ARSL: variants seen among roughly 807,000 people sequenced by gnomAD.
ARSL encodes arylsulfatase E (chondrodysplasia punctata 1).
Under a neutral mutation model 31.1 loss-of-function variants are expected in ARSL, and 4 were observed. The ratio of observed to expected loss-of-function variants is 0.13; its 90% CI spans 0.06 to 0.29. The LOEUF (loss-of-function observed/expected upper bound fraction) is 0.29, where lower values mean the gene tolerates loss of function less well. Among genes scored for constraint, ARSL ranks in the 10% least tolerant of loss-of-function variants. The probability of loss-of-function intolerance (pLI) is 1.00; values close to 1 mark genes in which losing one functional copy is unlikely to be tolerated. For missense variants in ARSL, 312 were observed against 497.8 expected (o/e 0.63, Z 3.55); for synonymous variants, 198 against 209.9 (o/e 0.94, Z 0.49).
chrX:2,947,039 C>T (rs774163966), intron 6 of ARSL, among the ~76,000 whole-genome samples: 10 of 110,289 alleles, frequency 9.1e-5, no homozygotes, highest in South Asian at 4.0e-4. Flanking sequence ...CAAAAATTAG[C>T]GGGATGTGGT....
intron 10 of ARSL, 128 bp from the exon 11 acceptor site, chrX:2,935,318 A>C: frequency 1.7e-6 from 1 of 582,265 alleles, no homozygotes; most frequent in Non-Finnish European, 2.9e-6. Flanking sequence ...CAGATAAACA[A>C]AACATGGTAC....
chrX:2,940,308 A>G (rs1329170797), intron 8 of ARSL, among the ~76,000 whole-genome samples: 1 of 111,602 alleles, frequency 9.0e-6, no homozygotes, highest in Non-Finnish European at 1.9e-5. Context: ...AAAAACAAAA[A>G]AACTCCACAT....
At chrX:2,935,941 C>T (rs12841888) in intron 10 of ARSL, among the ~76,000 whole-genome samples, 1 of 110,890 alleles carries the variant, frequency 9.0e-6, no homozygotes, top group Non-Finnish European at 1.9e-5. Flanking sequence ...TGGTGGCTCA[C>T]ACCTGCAATT....
At chrX:2,948,352 T>A (rs992290417) in intron 6 of ARSL, among the ~76,000 whole-genome samples, 1 of 111,072 alleles carries the variant, frequency 9.0e-6, no homozygotes, top group Non-Finnish European at 1.9e-5. Context: ...CCAAAAGACA[T>A]CTGACTTCTG....
upstream of ARSL, among the ~76,000 whole-genome samples, chrX:2,966,460 T>C (rs1268195155): frequency 9.3e-6 from 1 of 108,048 alleles, no homozygotes; most frequent in Non-Finnish European, 1.9e-5. Flanking sequence ...ACATCATACA[T>C]AGTATAAATG....
At chrX:2,935,265 G>A in intron 10 of ARSL, 75 bp from the exon 11 acceptor site, 1 of 1,040,813 alleles carries the variant, frequency 9.6e-7, no homozygotes, top group South Asian at 1.9e-5. Context: ...ATCTTCATAG[G>A]GCTAAAAGGT....
At chrX:2,953,766 T>C (rs2089491076) in intron 4 of ARSL, among the ~76,000 whole-genome samples, 1 of 111,040 alleles carries the variant, frequency 9.0e-6, no homozygotes. Context: ...TCACCCAGGC[T>C]TGAGTGCAGT....
Position 2,943,216 on chromosome X carries a change from T to A in ARSL, c.992-17A>T. Reference sequence around the variant, plus strand: ...GGATCCGTCCTGCAAAGAACAGATGTTTTTGGGGCCGTCGAAATGGAAAAA... The same window carrying A: ...GGATCCGTCCTGCAAAGAACAGATGATTTTGGGGCCGTCGAAATGGAAAAA... On this transcript the variant is annotated splice_polypyrimidine_tract_variant and intron_variant, in intron 7 of 10. Transcript: ENST00000381134. 1 of 1,208,971 alleles carries A rather than the reference T, an allele frequency of 8.3e-7. No homozygotes were observed. Among genetic ancestry groups the A allele is most frequent in the East Asian group, 3.0e-5 (1 of 33,789 alleles).
intron 1 of ARSL, among the ~76,000 whole-genome samples, chrX:2,963,424 C>T (rs2147421929): frequency 9.0e-6 from 1 of 110,620 alleles, no homozygotes; most frequent in East Asian, 2.8e-4. Flanking sequence ...CCCAAACCAC[C>T]ACAAACTAGG....
At position 2,949,464 on chromosome X, in the gene ARSL, G is replaced by C. The variant is rs1357207608; in HGVS notation, c.694C>G (p.Leu232Val). The change falls in exon 6 of 11, where the codon CTT becomes GTT. Residue 232 changes from leucine (L) to valine (V), a missense_variant. By Grantham distance (32) the Leu-to-Val change is conservative (BLOSUM62 1). Coordinates refer to ENST00000381134, the MANE Select transcript of ARSL (RefSeq NM_000047.3). ...CTTGCGAGGAGGAGGACGGCCGAAAGGGCTGACCAGATGACCGGCATCCAC... is the reference window on the plus strand; with the variant it reads ...CTTGCGAGGAGGAGGACGGCCGAAACGGCTGACCAGATGACCGGCATCCAC... Reference protein sequence around the residue: ...VSWMPVIWSALSAVLLLASSY... With the variant: ...VSWMPVIWSAVSAVLLLASSY... 1.7e-6 allele frequency: 2 copies of C among 1,209,327 alleles called. No homozygotes were observed. Among genetic ancestry groups the C allele is most frequent in the Admixed American group, 2.2e-5 (1 of 45,535 alleles).
At chrX:2,955,393 T>C in intron 4 of ARSL, 23 bp downstream of exon 4, 1 of 1,211,295 alleles carries the variant, frequency 8.3e-7, no homozygotes, top group Non-Finnish European at 1.1e-6. Context: ...TGCACCCTAG[T>C]GCAGTTGTAA....
intron 5 of ARSL, among the ~76,000 whole-genome samples, chrX:2,950,596 G>C (rs1399052409): frequency 9.0e-6 from 1 of 111,409 alleles, no homozygotes; most frequent in Admixed American, 9.6e-5. Flanking sequence ...TTTTATAAAT[G>C]GGAGTTCCCC....
rs774454019 is a variant in ARSL at position 2,943,034 on chromosome X, A to G, written c.1126+31T>C. On this transcript the variant is annotated intron_variant, in intron 8 of 10. Coordinates refer to ENST00000381134, the MANE Select transcript of ARSL (RefSeq NM_000047.3). Reference sequence around the variant, plus strand: ...ATTGCAGGGAAGAGATAAACTTGCAAGATGAAGATCTGGGAGCATCTCAGT... The same window carrying G: ...ATTGCAGGGAAGAGATAAACTTGCAGGATGAAGATCTGGGAGCATCTCAGT... The G allele has an allele frequency of 1.0e-4, 125 of 1,207,158 alleles. 1 individual carries two copies. The highest frequency in any genetic ancestry group is 1.3e-4 in the Non-Finnish European group (116 of 893,156).
At position 2,943,197 on chromosome X, in the gene ARSL, G is replaced by A. The variant is rs139875495; in HGVS notation, c.994C>T (p.Arg332Trp). Residue 332 changes from arginine (R) to tryptophan (W), a missense_variant and splice_region_variant, in exon 8 of 11, where the codon CGG (arginine) becomes TGG (tryptophan). Coordinates refer to ENST00000381134, the MANE Select transcript of ARSL (RefSeq NM_000047.3). ...NVEEMDWMVG[R>W]ILDTLDVEGL... ...TCCACGTCCAAAGTGTCAAGGATCC[G>A]TCCTGCAAAGAACAGATGTTTTTGG... 3.4e-5 allele frequency: 41 copies of A among 1,210,355 alleles called. No homozygotes were observed. Among genetic ancestry groups the A allele is most frequent in the Admixed American group, 6.5e-5 (3 of 45,951 alleles).
At chrX:2,937,453 A>G (rs2089218967) in intron 9 of ARSL, among the ~76,000 whole-genome samples, 1 of 110,957 alleles carries the variant, frequency 9.0e-6, no homozygotes, top group Non-Finnish European at 1.9e-5. Flanking sequence ...CTGGAATGTA[A>G]CAAAAGCCCA....
At chrX:2,961,293 TAAC>T (rs1304775526) in intron 1 of ARSL, among the ~76,000 whole-genome samples, 1 of 110,412 alleles carries the variant, frequency 9.1e-6, no homozygotes, top group African/African-American at 3.3e-5. Context: ...AGATGGAAGA[TAAC>T]AATTAGAGTT....
intron 7 of ARSL, among the ~76,000 whole-genome samples, chrX:2,944,278 A>AC (rs1291468871): frequency 9.2e-6 from 1 of 108,833 alleles, no homozygotes; most frequent in African/African-American, 3.4e-5. Flanking sequence ...ACATGGTGAA[A>AC]CCCCATCTCT....
At chrX:2,953,036 A>T in intron 5 of ARSL, 107 bp downstream of exon 5, 3 of 981,191 alleles carry the variant, frequency 3.1e-6, no homozygotes, top group Non-Finnish European at 4.3e-6. Flanking sequence ...CTTTCTGTCT[A>T]GTGGGAAATC....
At chrX:2,965,891 A>T, upstream of ARSL, among the ~76,000 whole-genome samples, 1 of 112,106 alleles carries the variant, frequency 8.9e-6, no homozygotes, top group South Asian at 3.8e-4. Flanking sequence ...GCAGAGTGAG[A>T]CTCCGTCTCA....
Sources: allele counts gnomAD v4.1 joint callset (sites outside exome capture counted in the v4.1 genomes callset), GRCh38; gene constraint gnomAD v4.1.1; transcripts MANE v1.5; gene names NCBI Gene and HGNC (gene_info 2026-07-23, HGNC 2026-07-21).